The following RAB38 variants were observed in gnomAD, a reference collection of about 807,000 sequenced individuals.
RAB38 encodes the protein ras-related protein Rab-38.
A neutral mutation model predicts 18.4 loss-of-function variants in RAB38; 15 were observed. That is an observed-to-expected ratio of 0.82 (90% CI 0.55 to 1.26). RAB38 has a LOEUF of 1.26. RAB38 is among the 50% of genes most tolerant of loss of function. The pLI is 0.00. For missense variants in RAB38, 294 were observed against 267.4 expected, an observed-to-expected ratio of 1.10 and a Z score of -0.69; for synonymous variants, 101 against 104.4, an observed-to-expected ratio of 0.97 and a Z score of 0.20.
the RAB38 span, among the ~76,000 whole-genome samples, chr11:87,862,701 G>A: frequency 6.6e-6 from 1 of 151,698 alleles, no homozygotes; most frequent in Non-Finnish European, 1.5e-5. Flanking sequence ...TAATAATGCT[G>A]ATCTTTAAAT....
At chr11:88,139,091 CTTAATA>C (rs1942873762) in intron 2 of RAB38, among the ~76,000 whole-genome samples, 1 of 152,106 alleles carries the variant, frequency 6.6e-6, no homozygotes, top group Middle Eastern at 3.4e-3. Context: ...GCCTATTATT[CTTAATA>C]TTAAGATTCG....
chr11:88,033,324 A>C, the RAB38 span, among the ~76,000 whole-genome samples: 1 of 152,060 alleles, frequency 6.6e-6, no homozygotes, highest in Non-Finnish European at 1.5e-5. Flanking sequence ...ACATGTATAC[A>C]TATGTAACTA....
the RAB38 span, among the ~76,000 whole-genome samples, chr11:87,928,819 A>G: frequency 1.2e-4 from 18 of 152,190 alleles, no homozygotes; most frequent in South Asian, 1.9e-3. Context: ...TTTGAATTAT[A>G]TAAGAAAAAA....
chr11:88,081,979 C>A, the RAB38 span, among the ~76,000 whole-genome samples: 1 of 151,826 alleles, frequency 6.6e-6, no homozygotes, highest in South Asian at 2.1e-4. Flanking sequence ...AGGCCTTATG[C>A]TAAGTGAAAA....
At chr11:87,878,522 T>A in the RAB38 span, among the ~76,000 whole-genome samples, 3 of 151,380 alleles carry the variant, frequency 2.0e-5, no homozygotes, top group Non-Finnish European at 3.0e-5. Context: ...AGAGGGAGTG[T>A]TCTATGGTTT....
the RAB38 span, among the ~76,000 whole-genome samples, chr11:87,973,558 C>T: frequency 1.0e-4 from 15 of 149,324 alleles, no homozygotes; most frequent in Non-Finnish European, 2.1e-4. Context: ...GTCTTGCTAA[C>T]CAAAGAATCA....
chr11:87,885,013 C>T, the RAB38 span, among the ~76,000 whole-genome samples: 3 of 151,934 alleles, frequency 2.0e-5, no homozygotes, highest in African/African-American at 7.2e-5. Flanking sequence ...AAATAGAGAC[C>T]CACAGGTCCC....
At chr11:87,939,117 TA>T in the RAB38 span, among the ~76,000 whole-genome samples, 3 of 152,228 alleles carry the variant, frequency 2.0e-5, no homozygotes, top group South Asian at 6.2e-4. Context: ...AAACCTAGCT[TA>T]AAATGTATTT....
the RAB38 span, among the ~76,000 whole-genome samples, chr11:88,075,558 A>G: frequency 6.6e-6 from 1 of 152,210 alleles, no homozygotes; most frequent in Non-Finnish European, 1.5e-5. Flanking sequence ...AGGGACATTT[A>G]TAGCAATAAA....
chr11:88,032,799 G>C, the RAB38 span, among the ~76,000 whole-genome samples: 2 of 152,198 alleles, frequency 1.3e-5, no homozygotes, highest in African/African-American at 4.8e-5. Context: ...CTAGTTCAAT[G>C]ATTGTGGAAG....
At chr11:88,091,248 G>T in the RAB38 span, among the ~76,000 whole-genome samples, 1 of 151,966 alleles carries the variant, frequency 6.6e-6, no homozygotes, top group Non-Finnish European at 1.5e-5. Context: ...TCTTTGTGTG[G>T]GACCTGGGTG....
At chr11:87,836,041 A>G in the RAB38 span, among the ~76,000 whole-genome samples, 38 of 152,294 alleles carry the variant, frequency 2.5e-4, no homozygotes, top group Non-Finnish European at 4.9e-4. Flanking sequence ...TATCTACATA[A>G]TATACAGCCA....
At chr11:87,903,215 G>C in the RAB38 span, among the ~76,000 whole-genome samples, 1 of 151,112 alleles carries the variant, frequency 6.6e-6, no homozygotes, top group Admixed American at 6.6e-5. Flanking sequence ...CTGTGTTTTT[G>C]GTAGATGCCT....
chr11:88,051,474 TGACA>T, the RAB38 span, among the ~76,000 whole-genome samples: 2 of 151,244 alleles, frequency 1.3e-5, no homozygotes, highest in African/African-American at 4.9e-5. Context: ...AAAACTCAAC[TGACA>T]TTGGAACAAT....
At chr11:88,124,836 A>G (rs1390464066) in intron 2 of RAB38, among the ~76,000 whole-genome samples, 3 of 152,258 alleles carry the variant, frequency 2.0e-5, no homozygotes, top group Admixed American at 6.5e-5. Context: ...TCATGTAACT[A>G]GATGAAATGA....
chr11:88,077,125 CAATG>C, the RAB38 span, among the ~76,000 whole-genome samples: 1 of 151,208 alleles, frequency 6.6e-6, no homozygotes, highest in Non-Finnish European at 1.5e-5. Context: ...CTATAAAACA[CAATG>C]AGAGAAATTG....
chr11:88,052,910 A>AT, the RAB38 span, among the ~76,000 whole-genome samples: 1 of 17,930 alleles, frequency 5.6e-5, no homozygotes, highest in Admixed American at 7.7e-4. Flanking sequence ...TCATATATAT[A>AT]TATATATATA....
the RAB38 span, among the ~76,000 whole-genome samples, chr11:88,034,103 C>T: frequency 3.2e-4 from 49 of 152,270 alleles, 1 homozygote; most frequent in Non-Finnish European, 5.9e-5. Context: ...TTTTCCTTAT[C>T]TTTAATTTTG....
At chr11:87,925,696 A>G in the RAB38 span, among the ~76,000 whole-genome samples, 3 of 152,014 alleles carry the variant, frequency 2.0e-5, no homozygotes, top group African/African-American at 7.2e-5. Context: ...CCTTGAGGGG[A>G]CCAGTGGGCA....
Sources: allele counts gnomAD v4.1 joint callset (sites outside exome capture counted in the v4.1 genomes callset), GRCh38; gene constraint gnomAD v4.1.1; transcripts MANE v1.5; gene names NCBI Gene and HGNC (gene_info 2026-07-23, HGNC 2026-07-21).